The following KCNJ16 variants were observed in gnomAD, a reference collection of about 807,000 sequenced individuals.
KCNJ16 encodes inward rectifier potassium channel 16.
KCNJ16 carries 15 observed loss-of-function variants against 18.5 expected under a neutral mutation model. The ratio of observed to expected loss-of-function variants is 0.81; its 90% CI spans 0.54 to 1.25. KCNJ16 has a LOEUF of 1.25. KCNJ16 is among the 50% of genes most tolerant of loss of function. KCNJ16 has a pLI of 0.00. For missense variants in KCNJ16, 523 were observed against 525.7 expected (o/e 0.99, Z 0.05); for synonymous variants, 174 against 186.5 (o/e 0.93, Z 0.55).
chr17:70,117,923 A>G (rs2073477122), intron 2 of KCNJ16, among the ~76,000 whole-genome samples: 1 of 152,184 alleles, frequency 6.6e-6, no homozygotes, highest in Non-Finnish European at 1.5e-5. Flanking sequence ...GTAAAGACTC[A>G]AAGAAACTAG....
At chr17:70,118,945 A>C (rs938615774) in intron 2 of KCNJ16, among the ~76,000 whole-genome samples, 2 of 152,208 alleles carry the variant, frequency 1.3e-5, no homozygotes, top group Non-Finnish European at 2.9e-5. Context: ...GAGACAAGGC[A>C]AATCCCTTCC....
At chr17:70,103,296 G>GTGTGTGTGTGTGTATATATA (rs1408960241) in intron 2 of KCNJ16, among the ~76,000 whole-genome samples, 36 of 72,044 alleles carry the variant, frequency 5.0e-4, no homozygotes, top group African/African-American at 1.6e-3. Flanking sequence ...ATGTGTGTGT[G>GTGTGTGTGTGTGTATATATA]TATATATATA....
intron 2 of KCNJ16, chr17:70,102,218 T>TA: frequency 1.9e-5 from 1 of 51,620 alleles, no homozygotes; most frequent in Non-Finnish European, 3.5e-5. Flanking sequence ...AAAAGTACTT[T>TA]TTTTTTTTTT....
intron 2 of KCNJ16, among the ~76,000 whole-genome samples, chr17:70,115,750 C>T (rs1335234022): frequency 6.6e-6 from 1 of 152,146 alleles, no homozygotes; most frequent in Non-Finnish European, 1.5e-5. Flanking sequence ...CAAATGTGAT[C>T]TGACTCCCTC....
chr17:70,133,079 G>A lies in KCNJ16; in HGVS notation c.992G>A (p.Ser331Asn), dbSNP rs776989799. 6.2e-7 allele frequency: 1 copy of A among 1,614,186 alleles called. No individual in the cohort carries two copies. The highest frequency in any genetic ancestry group is 8.5e-7 in the Non-Finnish European group (1 of 1,180,032). The stretch of plus-strand genomic sequence containing the variant: ...GTGAACTGCTTACAGTTTGAAGGAA[G>A]TGTGGAAGTATATGCCCCCTTTTGC... ...YKVNCLQFEG[S>N]VEVYAPFCSA... The change falls in exon 4 of 4, where the codon AGT becomes AAT. Residue 331 changes from serine to asparagine, a missense_variant. Transcript: ENST00000392671.
intron 2 of KCNJ16, chr17:70,105,071 C>A (rs1304478549): frequency 6.6e-6 from 1 of 152,532 alleles, no homozygotes; most frequent in African/African-American, 2.4e-5. Flanking sequence ...TCATCTTTCA[C>A]TAAGGTAAGA....
At chr17:70,111,658 A>G (rs936143052) in intron 2 of KCNJ16, among the ~76,000 whole-genome samples, 4 of 152,070 alleles carry the variant, frequency 2.6e-5, no homozygotes, top group Non-Finnish European at 5.9e-5. Flanking sequence ...CTTCAGTTGT[A>G]GCTCCCATAA....
Position 70,132,167 on chromosome 17 carries a change from C to T in KCNJ16, c.80C>T (p.Ala27Val), listed in dbSNP as rs1209902444. The T allele has an allele frequency of 6.2e-7, 1 of 1,614,200 alleles. No individual in the cohort carries two copies. The highest frequency in any genetic ancestry group is 1.7e-5 in the Admixed American group (1 of 60,030). ...GGCTACCCGCCAGAGCACATTATAG[C>T]TGAGAAGAGAAGAGCAAGAAGACGA... ...YPGYPPEHII[A>V]EKRRARRRLL... is the part of the protein sequence containing the mutation. Residue 27 changes from alanine (A) to valine (V), a missense_variant, in exon 4 of 4, where the codon GCT (alanine) becomes GTT (valine). Coordinates refer to ENST00000392671, the MANE Select transcript of KCNJ16 (RefSeq NM_170741.4).
In KCNJ16 at chr17:70,102,697, C is replaced by T. The variant is rs147136389; in HGVS notation, c.-191+1931C>T. Among the ~76,000 whole-genome samples the T allele has an allele frequency of 9.9e-5, 15 of 152,280 alleles. No individual in the cohort carries two copies. The East Asian group carries it at 2.5e-3, about 25-fold the overall frequency. On this transcript the variant is annotated intron_variant, in intron 2 of 3. Transcript: ENST00000392671. The stretch of plus-strand genomic sequence containing the variant: ...CCACATCCTTTCCCATCCATCACCA[C>T]ATTTTTCTACCCCATTTGACAGCGG...
At chr17:70,104,022 G>A (rs563491374) in intron 2 of KCNJ16, among the ~76,000 whole-genome samples, 230 of 147,582 alleles carry the variant, frequency 1.6e-3, no homozygotes, top group Non-Finnish European at 2.9e-3. Context: ...TTGCAGCCTC[G>A]ATCTCCTGGG....
chr17:70,081,200 TCAGAA>T (rs2071538067), intron 1 of KCNJ16, among the ~76,000 whole-genome samples: 1 of 152,170 alleles, frequency 6.6e-6, no homozygotes, highest in South Asian at 2.1e-4. Flanking sequence ...TTCATTTGGA[TCAGAA>T]TTGAGCCAAT....
intron 2 of KCNJ16, among the ~76,000 whole-genome samples, chr17:70,129,315 C>T (rs193192970): frequency 5.5e-4 from 83 of 152,274 alleles, no homozygotes; most frequent in South Asian, 4.6e-3. Flanking sequence ...ATATAAAATT[C>T]CAGTCAATCA....
chr17:70,114,057 T>C (rs373388365), intron 2 of KCNJ16, among the ~76,000 whole-genome samples: 1 of 152,210 alleles, frequency 6.6e-6, no homozygotes, highest in East Asian at 1.9e-4. Context: ...ATCTTTTGTC[T>C]TATATTTTAA....
At chr17:70,103,979 G>A (rs1237558666) in intron 2 of KCNJ16, among the ~76,000 whole-genome samples, 2 of 129,926 alleles carry the variant, frequency 1.5e-5, no homozygotes, top group Admixed American at 8.7e-5. Context: ...TCTGTCACCT[G>A]GGCTGGAGTT....
At chr17:70,082,128 G>A (rs1887780639) in intron 1 of KCNJ16, among the ~76,000 whole-genome samples, 1 of 152,172 alleles carries the variant, frequency 6.6e-6, no homozygotes, top group Non-Finnish European at 1.5e-5. Context: ...TCTAGCAAAG[G>A]AGGACACTGA....
chr17:70,083,714 T>C (rs1245115272), intron 1 of KCNJ16, among the ~76,000 whole-genome samples: 1 of 151,730 alleles, frequency 6.6e-6, no homozygotes, highest in African/African-American at 2.4e-5. Context: ...TATATCCTCA[T>C]TGTTAAGTGA....
intron 2 of KCNJ16, among the ~76,000 whole-genome samples, chr17:70,107,520 CTGAG>C (rs1165478560): frequency 4.6e-5 from 7 of 151,922 alleles, no homozygotes; most frequent in Admixed American, 3.9e-4. Context: ...TTGATCCAGT[CTGAG>C]TGTTTTGTTT....
chr17:70,130,969 A>G lies in KCNJ16; in HGVS notation c.-100A>G, dbSNP rs558401941. On this transcript the variant is annotated 5_prime_UTR_variant, in exon 3 of 4. Transcript: ENST00000392671. ...TTTGGCCTATTATACCATGGATGCT[A>G]AAAATGGTAAGAGCTGCATGTTCTG... is the stretch of plus-strand genomic sequence containing the variant. 1 of 1,535,414 alleles carries G rather than the reference A, an allele frequency of 6.5e-7. No individual in the cohort carries two copies. The highest frequency in any genetic ancestry group is 1.4e-5 in the African/African-American group (1 of 73,132).
At chr17:70,076,849 A>G (rs2071334761) in intron 1 of KCNJ16, among the ~76,000 whole-genome samples, 1 of 152,218 alleles carries the variant, frequency 6.6e-6, no homozygotes. Context: ...CCGAAATAAT[A>G]CAGGTATTTT....
Sources: gnomAD v4.1 joint callset for allele counts (sites outside exome capture counted in the v4.1 genomes callset) on GRCh38, gnomAD v4.1.1 for gene constraint, MANE v1.5 for transcripts, NCBI Gene and HGNC (gene_info 2026-07-23, HGNC 2026-07-21) for gene names.